Variants in TMTC2 observed in about 807,000 individuals in gnomAD.
TMTC2 encodes the protein transmembrane O-mannosyltransferase targeting cadherins 2, also known as protein O-mannosyl-transferase TMTC2.
TMTC2 carries 43 observed loss-of-function variants against 82.4 expected under a neutral mutation model. The observed-to-expected ratio is 0.52, with a 90% CI of 0.41 to 0.67. The LOEUF (loss-of-function observed/expected upper bound fraction) is 0.67, where lower values mean the gene tolerates loss of function less well. Ranked by LOEUF, TMTC2 falls within the 30% of genes least tolerant of loss-of-function variation. The pLI, the probability that TMTC2 is intolerant of heterozygous loss-of-function variation, is 0.00. For missense variants in TMTC2, 919 were observed against 1,012.4 expected, an observed-to-expected ratio of 0.91 and a Z score of 1.25; for synonymous variants, 408 against 381.9, an observed-to-expected ratio of 1.07 and a Z score of -0.80.
At chr12:82,955,624 G>A (rs1877573177) in intron 4 of TMTC2, among the ~76,000 whole-genome samples, 1 of 152,106 alleles carries the variant, frequency 6.6e-6, no homozygotes, top group Non-Finnish European at 1.5e-5. Flanking sequence ...ACAACATTTT[G>A]TTATTTTTCT....
chr12:82,839,679 T>C (rs1870232242), intron 1 of TMTC2, among the ~76,000 whole-genome samples: 1 of 152,334 alleles, frequency 6.6e-6, no homozygotes, highest in Non-Finnish European at 1.5e-5. Flanking sequence ...ATGGTTGTTT[T>C]ATTAGAATCG....
rs75048347 is a variant in TMTC2, at chr12:83,019,823, C to T, written c.2071-10975C>T. Among the ~76,000 whole-genome samples the T allele has an allele frequency of 6.7e-3, 1,017 of 152,258 alleles. 11 individuals are homozygous for T. The highest frequency in any genetic ancestry group is 0.023 in the African/African-American group (942 of 41,540). ...TGCTCCCATTCCACTCTCTTATCCT[C>T]AGTACCCTCAGAGTGATATTCATAA... is the stretch of plus-strand genomic sequence containing the variant. On this transcript the variant is annotated intron_variant, in intron 8 of 11. Coordinates refer to ENST00000321196, the MANE Select transcript of TMTC2 (RefSeq NM_152588.3).
At chr12:83,063,652 A>T (rs1026984449) in intron 11 of TMTC2, among the ~76,000 whole-genome samples, 1 of 151,914 alleles carries the variant, frequency 6.6e-6, no homozygotes, top group Non-Finnish European at 1.5e-5. Flanking sequence ...AGCTTGGTGG[A>T]AAATATCTTA....
chr12:82,794,381 G>A (rs1186643320), intron 1 of TMTC2, among the ~76,000 whole-genome samples: 3 of 152,020 alleles, frequency 2.0e-5, no homozygotes, highest in African/African-American at 4.8e-5. Flanking sequence ...GGCCTGTGTT[G>A]GGGGGAAACA....
intron 8 of TMTC2, among the ~76,000 whole-genome samples, chr12:83,013,922 A>G (rs991581781): frequency 2.0e-5 from 3 of 152,148 alleles, no homozygotes; most frequent in African/African-American, 7.2e-5. Context: ...AACTGTCTCC[A>G]GTATATACAT....
intron 1 of TMTC2, among the ~76,000 whole-genome samples, chr12:82,735,633 C>G (rs559850920): frequency 2.0e-5 from 3 of 151,194 alleles, no homozygotes; most frequent in Non-Finnish European, 4.4e-5. Flanking sequence ...GCGTGAGCCA[C>G]CGCACCCAGC....
At chr12:83,074,171 T>G (rs1037690707) in intron 11 of TMTC2, among the ~76,000 whole-genome samples, 5 of 152,270 alleles carry the variant, frequency 3.3e-5, no homozygotes, top group African/African-American at 1.2e-4. Flanking sequence ...TGGTGTTCGC[T>G]TGATGTAGTA....
chr12:82,692,280 C>T (rs1297069268), intron 1 of TMTC2, among the ~76,000 whole-genome samples: 1 of 152,118 alleles, frequency 6.6e-6, no homozygotes, highest in Non-Finnish European at 1.5e-5. Flanking sequence ...TTTGTTTTGT[C>T]ATCTGCACTT....
At chr12:83,016,292 C>T (rs565181651) in intron 8 of TMTC2, among the ~76,000 whole-genome samples, 5 of 152,184 alleles carry the variant, frequency 3.3e-5, no homozygotes, top group South Asian at 4.2e-4. Context: ...AATTTTAAGC[C>T]ACCAGCACTT....
At chr12:82,694,123 T>C (rs1592852637) in intron 1 of TMTC2, among the ~76,000 whole-genome samples, 1 of 152,124 alleles carries the variant, frequency 6.6e-6, no homozygotes, top group South Asian at 2.1e-4. Context: ...CCTGAGAATT[T>C]TGAAAAAGGC....
At chr12:82,833,840 T>C (rs1407725205) in intron 1 of TMTC2, among the ~76,000 whole-genome samples, 2 of 152,224 alleles carry the variant, frequency 1.3e-5, no homozygotes, top group Non-Finnish European at 2.9e-5. Context: ...TGTTTTTCCA[T>C]GGTCTTCTCT....
At chr12:82,806,722 C>T (rs1429762591) in intron 1 of TMTC2, among the ~76,000 whole-genome samples, 1 of 152,016 alleles carries the variant, frequency 6.6e-6, no homozygotes, top group Non-Finnish European at 1.5e-5. Context: ...AAAATATATT[C>T]ATTGTTCATT....
chr12:82,696,964 G>GTGTATATATATATATATATATA lies in TMTC2; in HGVS notation c.83+9296_83+9297insGTATATATATATATATATATAT, dbSNP rs374532592. ...GCTCTCTTTCTACATACATACATAC[G>GTGTATATATATATATATATATA]TATATATATATATATATATGTTTCT... On this transcript the variant is annotated intron_variant, in intron 1 of 11. Transcript: ENST00000321196. Among the ~76,000 whole-genome samples the GTGTATATATATATATATATATA allele has an allele frequency of 3.9e-3, 553 of 141,494 alleles. 8 individuals carry two copies. The highest frequency in any genetic ancestry group is 0.03 in the East Asian group (130 of 4,358). 92.8% of individuals were successfully genotyped at this position (141,494 alleles called of 152,430 possible). A position where few individuals can be genotyped will look rare whatever the true frequency, so the allele number is the denominator to read the frequency against.
At chr12:82,803,817 T>A (rs1394620559) in intron 1 of TMTC2, among the ~76,000 whole-genome samples, 1 of 152,042 alleles carries the variant, frequency 6.6e-6, no homozygotes, top group Non-Finnish European at 1.5e-5. Context: ...GGTCAGACAC[T>A]GCACTTGACC....
intron 2 of TMTC2, among the ~76,000 whole-genome samples, chr12:82,882,615 G>T (rs1250107793): frequency 6.6e-6 from 1 of 152,012 alleles, no homozygotes; most frequent in African/African-American, 2.4e-5. Flanking sequence ...ATTCTGCTTG[G>T]TTTTGCTCTG....
chr12:82,873,723 T>C (rs962139580), intron 2 of TMTC2, among the ~76,000 whole-genome samples: 1 of 152,218 alleles, frequency 6.6e-6, no homozygotes, highest in African/African-American at 2.4e-5. Flanking sequence ...ATTTAAAATA[T>C]AAAATTGTCT....
At chr12:82,795,269 C>T (rs563571192) in intron 1 of TMTC2, among the ~76,000 whole-genome samples, 1 of 146,858 alleles carries the variant, frequency 6.8e-6, no homozygotes, top group South Asian at 2.2e-4. Flanking sequence ...CGTGCCACTG[C>T]ACTCCAGCCT....
intron 1 of TMTC2, among the ~76,000 whole-genome samples, chr12:82,721,350 A>G (rs567233000): frequency 5.9e-5 from 9 of 152,360 alleles, no homozygotes; most frequent in Non-Finnish European, 1.0e-4. Flanking sequence ...ATATTGACAA[A>G]GGAGAAGGAA....
intron 7 of TMTC2, among the ~76,000 whole-genome samples, chr12:82,982,563 A>C (rs1878971004): frequency 6.6e-6 from 1 of 151,850 alleles, no homozygotes; most frequent in South Asian, 2.1e-4. Flanking sequence ...AAAGTGTTAC[A>C]TATTTCCCTC....
Sources: gnomAD v4.1 joint callset for allele counts (sites outside exome capture counted in the v4.1 genomes callset) on GRCh38, gnomAD v4.1.1 for gene constraint, MANE v1.5 for transcripts, NCBI Gene and HGNC (gene_info 2026-07-23, HGNC 2026-07-21) for gene names.